Variants in ATP6V1C2 observed in about 807,000 individuals in gnomAD.
ATP6V1C2 encodes ATPase H+ transporting V1 subunit C2, also known as V-type proton ATPase subunit C 2.
ATP6V1C2 carries 45 observed loss-of-function variants against 56.8 expected under a neutral mutation model. The ratio of observed to expected loss-of-function variants is 0.79; its 90% CI spans 0.62 to 1.02. The LOEUF is 1.02. Ranked by LOEUF, ATP6V1C2 falls within the 50% of genes least tolerant of loss-of-function variation. The pLI, the probability that ATP6V1C2 is intolerant of heterozygous loss-of-function variation, is 0.00. For synonymous variants in ATP6V1C2, 220 were observed against 201.3 expected (o/e 1.09, Z -0.79); for missense variants, 463 against 519.7 (o/e 0.89, Z 1.06).
At chr2:10,750,238 C>T (rs1251718162) in intron 3 of ATP6V1C2, among the ~76,000 whole-genome samples, 1 of 152,152 alleles carries the variant, frequency 6.6e-6, no homozygotes, top group Non-Finnish European at 1.5e-5. Flanking sequence ...CACAGAAGGG[C>T]ACGTGTGATG....
intron 3 of ATP6V1C2, among the ~76,000 whole-genome samples, chr2:10,730,343 T>G (rs1292896707): frequency 1.3e-5 from 2 of 152,098 alleles, no homozygotes; most frequent in African/African-American, 4.8e-5. Context: ...CTCGAACTCC[T>G]AACCTCAAGT....
intron 13 of ATP6V1C2, 48 bp from the exon 14 acceptor site, chr2:10,783,126 A>G (rs746584276): frequency 1.2e-5 from 17 of 1,462,240 alleles, no homozygotes; most frequent in Non-Finnish European, 9.6e-7. Flanking sequence ...AGGATAAGAC[A>G]GGAAACTAGT....
chr2:10,738,636 G>A (rs543647507), intron 3 of ATP6V1C2, among the ~76,000 whole-genome samples: 59 of 152,284 alleles, frequency 3.9e-4, no homozygotes, highest in African/African-American at 1.2e-3. Context: ...CCATTTGGAC[G>A]TTCCTTATTT....
chr2:10,756,484 C>T (rs1448632322), intron 4 of ATP6V1C2, among the ~76,000 whole-genome samples: 3 of 152,122 alleles, frequency 2.0e-5, no homozygotes, highest in African/African-American at 4.8e-5. Flanking sequence ...CTTTGGGAGG[C>T]TGAGGCAGAT....
At chr2:10,777,747 G>A (rs766850256) in intron 11 of ATP6V1C2, 25 bp downstream of exon 11, 1 of 1,592,042 alleles carries the variant, frequency 6.3e-7, no homozygotes, top group South Asian at 1.1e-5. Context: ...GGGAACCCCG[G>A]GGTCCCTGGC....
chr2:10,725,635 C>T (rs549869069), intron 2 of ATP6V1C2, among the ~76,000 whole-genome samples: 9 of 150,394 alleles, frequency 6.0e-5, no homozygotes, highest in African/African-American at 1.9e-4. Flanking sequence ...GCTTGGATTA[C>T]GGGCACATGC....
intron 12 of ATP6V1C2, among the ~76,000 whole-genome samples, chr2:10,779,503 T>C (rs1665216037): frequency 1.4e-5 from 2 of 147,334 alleles, no homozygotes; most frequent in South Asian, 2.2e-4. Context: ...CTGGCCAACA[T>C]GGTGAAACCC....
chr2:10,737,754 A>C (rs1572518912), intron 3 of ATP6V1C2, among the ~76,000 whole-genome samples: 1 of 152,116 alleles, frequency 6.6e-6, no homozygotes, highest in Non-Finnish European at 1.5e-5. Context: ...AAGTGGCGCA[A>C]TCTCTCTCGG....
intron 6 of ATP6V1C2, among the ~76,000 whole-genome samples, chr2:10,770,616 T>C (rs1378207690): frequency 6.6e-6 from 1 of 152,232 alleles, no homozygotes; most frequent in Non-Finnish European, 1.5e-5. Flanking sequence ...TTCTTCAGGA[T>C]TGGTTGGGAC....
At position 10,784,908 on chromosome 2, in the gene ATP6V1C2, G is replaced by A. The variant is rs779560842; in HGVS notation, c.*1645G>A. On this transcript the variant is annotated 3_prime_UTR_variant, in exon 14 of 14. Coordinates refer to ENST00000272238, the MANE Select transcript of ATP6V1C2 (RefSeq NM_001039362.2). ...AGAGAGTAAACCAGGACTGCTGCCC[G>A]CACAGCTTCCCTCCCGGGCACTCAC... The A allele has an allele frequency of 2.2e-5, 33 of 1,487,470 alleles. No homozygotes were observed. Among genetic ancestry groups the A allele is most frequent in the East Asian group, 7.2e-5 (3 of 41,534 alleles). 92.1% of individuals were successfully genotyped at this position (1,487,470 alleles called of 1,614,324 possible).
intron 1 of ATP6V1C2, 43 bp from the exon 2 acceptor site, chr2:10,722,781 C>A (rs1303730878): frequency 5.7e-6 from 9 of 1,585,178 alleles, no homozygotes; most frequent in African/African-American, 1.3e-5. Context: ...ACACATCTCT[C>A]CTTCTGTTTC....
At chr2:10,751,365 G>T (rs911534075) in intron 3 of ATP6V1C2, among the ~76,000 whole-genome samples, 2 of 152,116 alleles carry the variant, frequency 1.3e-5, no homozygotes, top group African/African-American at 4.8e-5. Context: ...ATGGTATCAG[G>T]CACCAAACTC....
At chr2:10,730,615 T>C (rs1210139176) in intron 3 of ATP6V1C2, among the ~76,000 whole-genome samples, 1 of 151,156 alleles carries the variant, frequency 6.6e-6, no homozygotes, top group Non-Finnish European at 1.5e-5. Context: ...GGGTTTTTTT[T>C]TTTTTTTTTT....
intron 6 of ATP6V1C2, among the ~76,000 whole-genome samples, chr2:10,770,846 T>C (rs1664554688): frequency 1.3e-5 from 2 of 152,256 alleles, no homozygotes; most frequent in Non-Finnish European, 2.9e-5. Flanking sequence ...TCAGGCCCGA[T>C]GCTAGACCCT....
At chr2:10,743,182 T>A (rs1329069709) in intron 3 of ATP6V1C2, among the ~76,000 whole-genome samples, 13 of 152,102 alleles carry the variant, frequency 8.5e-5, no homozygotes. Context: ...AGTGATTCAA[T>A]CACTCCTCAC....
Position 10,783,538 on chromosome 2 carries a change from ATG to A in ATP6V1C2, c.*277_*278del. On this transcript the variant is annotated 3_prime_UTR_variant, in exon 14 of 14. Coordinates refer to ENST00000272238, the MANE Select transcript of ATP6V1C2 (RefSeq NM_001039362.2). The stretch of plus-strand genomic sequence containing the variant: ...CATTGGTAACCTGCTGCTGTATTTC[ATG>A]TCTTAACGGCTATTTTGAGGTTCAT... The A allele has an allele frequency of 3.1e-6, 1 of 326,066 alleles. No individual in the cohort carries two copies. Among genetic ancestry groups the A allele is most frequent in the East Asian group, 7.5e-5 (1 of 13,336 alleles). 20.2% of individuals were successfully genotyped at this position (326,066 alleles called of 1,614,324 possible). A position where few individuals can be genotyped will look rare whatever the true frequency, so the allele number is the denominator to read the frequency against.
chr2:10,723,240 G>A (rs958706350), intron 2 of ATP6V1C2, among the ~76,000 whole-genome samples: 1 of 152,202 alleles, frequency 6.6e-6, no homozygotes, highest in African/African-American at 2.4e-5. Context: ...GGGTAGCAGT[G>A]TCTAATGCTT....
rs1438648922 is a variant in ATP6V1C2, at chr2:10,784,356, T to C, written c.*1093T>C. 2 of 1,586,706 alleles carry C rather than the reference T, an allele frequency of 1.3e-6. No individual in the cohort carries two copies. The stretch of plus-strand genomic sequence containing the variant: ...GAGACGACAGAAAGCCACTGTTAGA[T>C]CTGCAGAAGGGGACACCCTGGAAGG... On this transcript the variant is annotated 3_prime_UTR_variant, in exon 14 of 14. Coordinates refer to ENST00000272238, the MANE Select transcript of ATP6V1C2 (RefSeq NM_001039362.2).
intron 11 of ATP6V1C2, among the ~76,000 whole-genome samples, chr2:10,778,098 C>T (rs1242209782): frequency 6.6e-6 from 1 of 152,098 alleles, no homozygotes; most frequent in Non-Finnish European, 1.5e-5. Context: ...GCTCGGGGCT[C>T]TTGCTCCAAG....
Sources: gnomAD v4.1 joint callset for allele counts (sites outside exome capture counted in the v4.1 genomes callset) on GRCh38, gnomAD v4.1.1 for gene constraint, MANE v1.5 for transcripts, NCBI Gene and HGNC (gene_info 2026-07-23, HGNC 2026-07-21) for gene names.